Variants in PRKCZ observed in about 807,000 individuals in gnomAD.
PRKCZ encodes the protein protein kinase C zeta type.
In PRKCZ, 33 loss-of-function variants were observed where a neutral mutation model predicts 79.5. The observed-to-expected ratio is 0.41, with a 90% confidence interval of 0.31 to 0.55. The LOEUF is 0.55. Among genes scored for constraint, PRKCZ ranks in the 20% least tolerant of loss-of-function variants. The probability of loss-of-function intolerance (pLI) is 0.19; values close to 1 mark genes in which losing one functional copy is unlikely to be tolerated. For synonymous variants in PRKCZ, 342 were observed against 320.9 expected (o/e 1.07, Z -0.70); for missense variants, 578 against 813.5 (o/e 0.71, Z 3.52).
chr1:2,054,272 G>A (rs1371052723), intron 1 of PRKCZ, among the ~76,000 whole-genome samples: 1 of 152,304 alleles, frequency 6.6e-6, no homozygotes, highest in Non-Finnish European at 1.5e-5. Flanking sequence ...CCGCGCTCTT[G>A]TGGGTGTCAG....
intron 4 of PRKCZ, among the ~76,000 whole-genome samples, chr1:2,088,925 C>T (rs1480269699): frequency 6.6e-6 from 1 of 152,210 alleles, no homozygotes; most frequent in African/African-American, 2.4e-5. Context: ...CCTGGTGAGC[C>T]TGTCACTTTT....
intron 4 of PRKCZ, among the ~76,000 whole-genome samples, chr1:2,099,124 A>G (rs1667029416): frequency 6.6e-6 from 1 of 151,958 alleles, no homozygotes; most frequent in African/African-American, 2.4e-5. Flanking sequence ...TCTGTGGGAT[A>G]TTCGTTGGAG....
In PRKCZ at chr1:2,122,055, G is replaced by A. The variant is rs867046983; in HGVS notation, c.335-13207G>A. 4.6e-3 allele frequency among the ~76,000 whole-genome samples: 8 copies of A among 1,728 alleles called. 2 individuals are homozygous for A. Among genetic ancestry groups the A allele is most frequent in the Admixed American group, 0.016 (2 of 122 alleles). 1.1% of individuals were successfully genotyped at this position (1,728 alleles called of 152,430 possible). A position where few individuals can be genotyped will look rare whatever the true frequency, so the allele number is the denominator to read the frequency against. ...TAGGTTCATGGTGGTGGTTAGGGTC[G>A]TGGTGGTTAGGGTCACGGTGGTAGT... On this transcript the variant is annotated intron_variant, in intron 4 of 17. Transcript: ENST00000378567.
chr1:2,121,503 A>T (rs58161577), intron 4 of PRKCZ, among the ~76,000 whole-genome samples: 8,142 of 81,190 alleles, frequency 0.1, 621 homozygotes, highest in Admixed American at 0.15. Context: ...GGTAGTTAGG[A>T]TCATGGTGGT....
At chr1:2,169,807 G>A (rs1378702209) in intron 11 of PRKCZ, among the ~76,000 whole-genome samples, 7 of 125,910 alleles carry the variant, frequency 5.6e-5, no homozygotes, top group East Asian at 2.5e-4. Flanking sequence ...CGGGGGGGGC[G>A]GGGTGCACGT....
At chr1:2,133,684 C>G (rs114782800) in intron 4 of PRKCZ, 1 of 153,064 alleles carries the variant, frequency 6.5e-6, no homozygotes, top group Non-Finnish European at 1.5e-5. Context: ...TCCCTCGACT[C>G]GGCCCCTCAG....
intron 4 of PRKCZ, among the ~76,000 whole-genome samples, chr1:2,090,029 C>G (rs909257674): frequency 3.3e-5 from 5 of 152,224 alleles, no homozygotes; most frequent in African/African-American, 4.8e-5. Context: ...GTGGAGCCGT[C>G]TCTTCTTCAC....
chr1:2,155,123 A>G (rs1412687070), intron 9 of PRKCZ, among the ~76,000 whole-genome samples: 6 of 151,556 alleles, frequency 4.0e-5, no homozygotes, highest in Non-Finnish European at 8.8e-5. Context: ...GATGGTGACA[A>G]TGATGGTGAC....
At chr1:2,133,327 G>A (rs1185068534) in intron 4 of PRKCZ, among the ~76,000 whole-genome samples, 1 of 149,476 alleles carries the variant, frequency 6.7e-6, no homozygotes, top group Non-Finnish European at 1.5e-5. Flanking sequence ...TTCGTCCCTC[G>A]GCTCCGCCCC....
chr1:2,145,674 G>A (rs1247025588), intron 6 of PRKCZ, among the ~76,000 whole-genome samples: 3 of 152,154 alleles, frequency 2.0e-5, no homozygotes, highest in Admixed American at 2.0e-4. Context: ...AACACTTTGG[G>A]AGGCCAAGGT....
intron 10 of PRKCZ, 137 bp from the exon 11 acceptor site, chr1:2,169,381 C>T (rs1683963770): frequency 1.3e-6 from 1 of 766,320 alleles, no homozygotes; most frequent in African/African-American, 1.7e-5. Context: ...CAGGGTGCTC[C>T]TGCTGCTCTT....
rs573917484 is a variant in PRKCZ, at chr1:2,167,503, G to A, written c.975-2015G>A. On this transcript the variant is annotated intron_variant, in intron 10 of 17. Transcript: ENST00000378567. ...TGTTGGGGTGAACGTGGCTCCTCTC[G>A]GGGGGACAGGTGGAAGGGACCAGCA... is the stretch of plus-strand genomic sequence containing the variant. Among the ~76,000 whole-genome samples, 337 of 152,290 alleles carry A rather than the reference G, an allele frequency of 2.2e-3. 1 individual carries two copies. The highest frequency in any genetic ancestry group is 6.9e-3 in the South Asian group (33 of 4,816).
In PRKCZ at chr1:2,124,296, C is replaced by T. The variant is rs61776563; in HGVS notation, c.335-10966C>T. Among the ~76,000 whole-genome samples the T allele has an allele frequency of 1.6e-3, 9 of 5,480 alleles. 3 individuals are homozygous for T. The highest frequency in any genetic ancestry group is 2.3e-3 in the Non-Finnish European group (8 of 3,470). 3.6% of individuals were successfully genotyped at this position (5,480 alleles called of 152,430 possible). A position where few individuals can be genotyped will look rare whatever the true frequency, so the allele number is the denominator to read the frequency against. On this transcript the variant is annotated intron_variant, in intron 4 of 17. Transcript: ENST00000378567. ...AGGGTCACGGCTGTAGTTAGCGTCA[C>T]GGTGGTAGTTAGGGTCACGGTGGTG...
At chr1:2,056,064 C>T (rs949480675) in intron 2 of PRKCZ, among the ~76,000 whole-genome samples, 4 of 152,192 alleles carry the variant, frequency 2.6e-5, no homozygotes, top group Non-Finnish European at 5.9e-5. Context: ...AGGACACGGC[C>T]GTGCGGGTGG....
At chr1:2,156,743 A>G (rs1316328604) in intron 10 of PRKCZ, 1 of 152,450 alleles carries the variant, frequency 6.6e-6, no homozygotes, top group African/African-American at 2.4e-5. Context: ...ACCAGTCACA[A>G]GCTCCCAAGA....
Position 2,082,760 on chromosome 1 carries a change from C to CG in PRKCZ, c.334+23174dup, listed in dbSNP as rs1557517696. ...CCATTTGTTTTTTTGCCTGAGCGTC[C>CG]GGGGGTGGCTTTGAGGACACCTGTC... On this transcript the variant is annotated intron_variant, in intron 4 of 17. Coordinates refer to ENST00000378567, the MANE Select transcript of PRKCZ (RefSeq NM_002744.6). This position sits in a 1 kb window ranked among gnomAD's most constrained non-coding sequence, Gnocchi z 4.4. Among the ~76,000 whole-genome samples the CG allele has an allele frequency of 6.6e-6, 1 of 151,712 alleles. No homozygotes were observed. Among genetic ancestry groups the CG allele is most frequent in the African/African-American group, 2.4e-5 (1 of 41,316 alleles).
Position 2,174,770 on chromosome 1 carries a change from C to T in PRKCZ, c.1422C>T (p.Pro474=). ...DYLFQVILEK[P]IRIPRFLSVK... ...CCCTTGCAGTGATCCTGGAGAAGCC[C>T]ATCCGGATCCCCCGGTTCCTGTCCG... The change falls in exon 15 of 18, where the codon CCC becomes CCT. Residue 474 remains proline (P), a synonymous_variant. Coordinates refer to ENST00000378567, the MANE Select transcript of PRKCZ (RefSeq NM_002744.6). The surrounding 1 kb of genome is among the most constrained non-coding windows in gnomAD (Gnocchi z 6.2). The T allele has an allele frequency of 2.5e-6, 4 of 1,614,174 alleles. No individual in the cohort carries two copies. The highest frequency in any genetic ancestry group is 3.4e-6 in the Non-Finnish European group (4 of 1,180,018).
Position 2,177,911 on chromosome 1 carries a change from G to GCCCTGCCTCTGCCACCGACCGCCGA in PRKCZ, c.1575+2612_1575+2636dup, listed in dbSNP as rs1685791925. On this transcript the variant is annotated intron_variant, in intron 16 of 17. Transcript: ENST00000378567. The surrounding 1 kb of genome is among the most constrained non-coding windows in gnomAD (Gnocchi z 6.4). ...GCCCTGCCTCTGCCACCGACCGCCGGCCCTGCCTCTGCCACCGACCGCCGA... is the reference window on the plus strand; with the variant it reads ...GCCCTGCCTCTGCCACCGACCGCCGGCCCTGCCTCTGCCACCGACCGCCGACCCTGCCTCTGCCACCGACCGCCGA... Among the ~76,000 whole-genome samples, 11 of 150,502 alleles carry GCCCTGCCTCTGCCACCGACCGCCGA rather than the reference G, an allele frequency of 7.3e-5. 1 individual carries two copies. The South Asian group carries it at 2.3e-3, about 31-fold the overall frequency.
At chr1:2,059,988 C>T (rs1055865525) in intron 4 of PRKCZ, among the ~76,000 whole-genome samples, 2 of 152,228 alleles carry the variant, frequency 1.3e-5, no homozygotes, top group African/African-American at 4.8e-5. Flanking sequence ...TCCGTTCATC[C>T]CACACTGGCT....
Sources: allele counts gnomAD v4.1 joint callset (sites outside exome capture counted in the v4.1 genomes callset), GRCh38; gene constraint gnomAD v4.1.1; non-coding constraint Gnocchi (gnomAD v3.1); transcripts MANE v1.5; gene names NCBI Gene and HGNC (gene_info 2026-07-23, HGNC 2026-07-21).